HIBADH: variants seen among roughly 807,000 people sequenced by gnomAD.
HIBADH encodes the protein 3-hydroxyisobutyrate dehydrogenase, also known as 3-hydroxyisobutyrate dehydrogenase, mitochondrial.
In HIBADH, 25 loss-of-function variants were observed where a neutral mutation model predicts 36.1. The ratio of observed to expected loss-of-function variants is 0.69; its 90% CI spans 0.50 to 0.97. The LOEUF (loss-of-function observed/expected upper bound fraction) is 0.97, where lower values mean the gene tolerates loss of function less well. HIBADH is among the 50% of genes least tolerant of loss of function. The pLI is 0.00. For synonymous variants in HIBADH, 160 were observed against 149.5 expected, an observed-to-expected ratio of 1.07 and a Z score of -0.51; for missense variants, 421 against 418.0, an observed-to-expected ratio of 1.01 and a Z score of -0.06.
At chr7:27,653,167 T>C (rs58228879) in intron 1 of HIBADH, among the ~76,000 whole-genome samples, 3 of 152,162 alleles carry the variant, frequency 2.0e-5, no homozygotes, top group African/African-American at 7.2e-5. Context: ...ATAAATTTTG[T>C]GGGGACATAA....
intron 2 of HIBADH, among the ~76,000 whole-genome samples, chr7:27,641,282 C>G (rs993879578): frequency 2.6e-5 from 4 of 152,140 alleles, no homozygotes; most frequent in African/African-American, 9.7e-5. Context: ...GAAAGAACAG[C>G]TGACATTAGA....
chr7:27,561,868 T>C (rs1041325530), intron 4 of HIBADH, among the ~76,000 whole-genome samples: 2 of 152,184 alleles, frequency 1.3e-5, no homozygotes, highest in African/African-American at 4.8e-5. Flanking sequence ...CTAACAGTGC[T>C]TTTTAATCTT....
intron 4 of HIBADH, among the ~76,000 whole-genome samples, chr7:27,567,644 T>C (rs768142635): frequency 7.2e-5 from 11 of 152,192 alleles, no homozygotes; most frequent in African/African-American, 1.9e-4. Context: ...ATAGGGTGTG[T>C]GTGTGCGTGC....
intron 2 of HIBADH, among the ~76,000 whole-genome samples, chr7:27,638,084 T>G (rs546245044): frequency 5.0e-4 from 76 of 152,040 alleles, no homozygotes; most frequent in African/African-American, 1.7e-3. Context: ...ATTTTAAAAT[T>G]TATATGGAAC....
chr7:27,588,200 T>A (rs1784890633), intron 4 of HIBADH, among the ~76,000 whole-genome samples: 1 of 152,244 alleles, frequency 6.6e-6, no homozygotes, highest in Non-Finnish European at 1.5e-5. Context: ...GGTTTAAAGC[T>A]TATGGACAAT....
At chr7:27,531,943 A>C (rs754178359) in intron 6 of HIBADH, among the ~76,000 whole-genome samples, 2 of 152,196 alleles carry the variant, frequency 1.3e-5, no homozygotes, top group Non-Finnish European at 2.9e-5. Flanking sequence ...TATTTATTAA[A>C]TCTTTATTAG....
chr7:27,632,860 T>C (rs1371821608), intron 2 of HIBADH, among the ~76,000 whole-genome samples: 1 of 152,064 alleles, frequency 6.6e-6, no homozygotes, highest in African/African-American at 2.4e-5. Flanking sequence ...TCATCAGTGA[T>C]TTGGTGGGCA....
At chr7:27,563,985 G>A (rs1274563213) in intron 4 of HIBADH, among the ~76,000 whole-genome samples, 1 of 145,784 alleles carries the variant, frequency 6.9e-6, no homozygotes, top group East Asian at 2.0e-4. Flanking sequence ...TGTAAGCTCT[G>A]CCTCCCGGAT....
Position 27,661,166 on chromosome 7 carries a change from T to A in HIBADH, c.91+1532A>T, listed in dbSNP as rs1431738205. Among the ~76,000 whole-genome samples the A allele has an allele frequency of 3.3e-5, 5 of 152,216 alleles. 1 individual carries two copies. The highest frequency in any genetic ancestry group is 7.3e-5 in the Non-Finnish European group (5 of 68,044). On this transcript the variant is annotated intron_variant, in intron 1 of 7. Transcript: ENST00000265395. ...TCAAGTTTGGCATATTCTGAGTTTT[T>A]ATCTTGTTACTGTGGTTCTGTATCA...
intron 4 of HIBADH, among the ~76,000 whole-genome samples, chr7:27,624,535 C>T (rs548774102): frequency 1.3e-3 from 204 of 152,328 alleles, no homozygotes; most frequent in African/African-American, 4.7e-3. Context: ...AGTGGCCTTA[C>T]TTGTTCACAA....
intron 4 of HIBADH, among the ~76,000 whole-genome samples, chr7:27,628,663 C>G (rs1329533688): frequency 3.3e-5 from 5 of 152,030 alleles, no homozygotes; most frequent in Non-Finnish European, 7.4e-5. Flanking sequence ...ATTATATGCA[C>G]AGATTTTCTA....
intron 4 of HIBADH, among the ~76,000 whole-genome samples, chr7:27,600,321 T>C (rs960188415): frequency 1.3e-5 from 2 of 152,154 alleles, no homozygotes; most frequent in Admixed American, 1.3e-4. Flanking sequence ...TAAGGCATTT[T>C]GGTTTGAAAA....
intron 4 of HIBADH, among the ~76,000 whole-genome samples, chr7:27,592,035 A>T: frequency 6.6e-6 from 1 of 152,202 alleles, no homozygotes; most frequent in East Asian, 1.9e-4. Flanking sequence ...GTGTTATTTC[A>T]CATTTCTGTA....
intron 1 of HIBADH, among the ~76,000 whole-genome samples, chr7:27,655,492 A>G (rs1786282476): frequency 6.6e-6 from 1 of 152,194 alleles, no homozygotes; most frequent in South Asian, 2.1e-4. Flanking sequence ...GAGTATATGG[A>G]TGTCAGTTAT....
Position 27,526,125 on chromosome 7 carries a change from G to T in HIBADH, c.*89C>A. Reference sequence around the variant, plus strand: ...AATCAAAAGCAGATAGGTGACCTTTGATTAAATCCATTTACTTGTGGAGTG... The same window carrying T: ...AATCAAAAGCAGATAGGTGACCTTTTATTAAATCCATTTACTTGTGGAGTG... On this transcript the variant is annotated 3_prime_UTR_variant, in exon 8 of 8. Transcript: ENST00000265395. The T allele has an allele frequency of 8.7e-7, 1 of 1,149,814 alleles. No homozygotes were observed. Among genetic ancestry groups the T allele is most frequent in the Non-Finnish European group, 1.2e-6 (1 of 845,496 alleles). The allele number at this position is 1,149,814 out of a possible 1,614,324, so 71.2% of individuals were successfully genotyped here.
chr7:27,613,665 G>GTTTGT (rs1554299065), intron 4 of HIBADH, among the ~76,000 whole-genome samples: 2 of 107,068 alleles, frequency 1.9e-5, no homozygotes, highest in African/African-American at 6.8e-5. Context: ...GGTTTTTTTT[G>GTTTGT]TTTTTTTTTT....
At chr7:27,602,154 G>A (rs1389663269) in intron 4 of HIBADH, among the ~76,000 whole-genome samples, 1 of 150,066 alleles carries the variant, frequency 6.7e-6, no homozygotes, top group African/African-American at 2.5e-5. Flanking sequence ...GCCTTCCTGA[G>A]ACTCAACTTC....
intron 4 of HIBADH, among the ~76,000 whole-genome samples, chr7:27,568,443 T>G (rs1784579675): frequency 6.6e-6 from 1 of 152,042 alleles, no homozygotes; most frequent in Non-Finnish European, 1.5e-5. Context: ...CTCAAACAAT[T>G]TTATTTCTTT....
chr7:27,634,526 A>G (rs1418122321), intron 2 of HIBADH, among the ~76,000 whole-genome samples: 2 of 152,228 alleles, frequency 1.3e-5, no homozygotes, highest in Non-Finnish European at 2.9e-5. Flanking sequence ...CTCTACTCCT[A>G]TACTATACCA....
Sources: allele counts gnomAD v4.1 joint callset (sites outside exome capture counted in the v4.1 genomes callset), GRCh38; gene constraint gnomAD v4.1.1; transcripts MANE v1.5; gene names NCBI Gene and HGNC (gene_info 2026-07-23, HGNC 2026-07-21).